The following GRK5 variants were observed in gnomAD, a reference collection of about 807,000 sequenced individuals.
The protein encoded by GRK5 is g protein-coupled receptor kinase GRK5.
A neutral mutation model predicts 78.4 loss-of-function variants in GRK5; 40 were observed. The ratio of observed to expected loss-of-function variants is 0.51; its 90% CI spans 0.40 to 0.66. The LOEUF is 0.66. Ranked by LOEUF, GRK5 falls within the 30% of genes least tolerant of loss-of-function variation. The pLI, the probability that GRK5 is intolerant of heterozygous loss-of-function variation, is 0.00. For missense variants in GRK5, 598 were observed against 759.9 expected (o/e 0.79, Z 2.50); for synonymous variants, 289 against 296.8 (o/e 0.97, Z 0.27).
intron 4 of GRK5, among the ~76,000 whole-genome samples, chr10:119,417,803 A>G (rs544174228): frequency 9.2e-5 from 14 of 152,266 alleles, no homozygotes; most frequent in African/African-American, 2.4e-4. Flanking sequence ...CCCTAGGCGT[A>G]CTTCATCCGT....
At chr10:119,449,143 T>C (rs1171636075) in intron 13 of GRK5, among the ~76,000 whole-genome samples, 3 of 152,126 alleles carry the variant, frequency 2.0e-5, no homozygotes, top group African/African-American at 7.2e-5. Context: ...GCACCTCTCT[T>C]CCCAATTCCG....
rs750096201 is a variant in GRK5 at position 119,238,031 on chromosome 10, C to T, written c.52+30062C>T. Among the ~76,000 whole-genome samples, 7 of 152,198 alleles carry T rather than the reference C, an allele frequency of 4.6e-5. No homozygotes were observed. In the South Asian group the frequency reaches 1.2e-3, roughly 27 times the overall value. On this transcript the variant is annotated intron_variant, in intron 1 of 15. Transcript: ENST00000392870. This position sits in a 1 kb window ranked among gnomAD's most constrained non-coding sequence, Gnocchi z 4.7. ...CTTGCATTTCCTGTCTTTAAACTTA[C>T]GAACTAAAGGGCTTGAGGGTGAGGG...
At chr10:119,429,301 C>A (rs892721984) in intron 6 of GRK5, among the ~76,000 whole-genome samples, 1 of 152,020 alleles carries the variant, frequency 6.6e-6, no homozygotes, top group Non-Finnish European at 1.5e-5. Context: ...CTCATTCGTT[C>A]AAGAGCTGCT....
intron 8 of GRK5, among the ~76,000 whole-genome samples, chr10:119,436,145 C>A (rs1852914250): frequency 2.6e-5 from 4 of 152,218 alleles, no homozygotes; most frequent in Admixed American, 2.6e-4. Flanking sequence ...GACACAGAGC[C>A]AAACCATATC....
intron 15 of GRK5, among the ~76,000 whole-genome samples, chr10:119,454,161 A>G (rs1853353973): frequency 1.3e-5 from 2 of 152,236 alleles, no homozygotes; most frequent in Admixed American, 1.3e-4. Context: ...GCTTCCATCA[A>G]GTAAAACGGA....
At chr10:119,248,469 T>C (rs1849149270) in intron 1 of GRK5, among the ~76,000 whole-genome samples, 1 of 152,176 alleles carries the variant, frequency 6.6e-6, no homozygotes. Flanking sequence ...ATGAATTCTG[T>C]TCCTAATTTA....
At chr10:119,214,817 G>A (rs767664970) in intron 1 of GRK5, among the ~76,000 whole-genome samples, 6 of 152,122 alleles carry the variant, frequency 3.9e-5, no homozygotes, top group African/African-American at 1.2e-4. Context: ...CACCACGCCC[G>A]GCCAACACTG....
chr10:119,374,854 A>T (rs963768306), intron 2 of GRK5, among the ~76,000 whole-genome samples: 1 of 152,022 alleles, frequency 6.6e-6, no homozygotes, highest in Non-Finnish European at 1.5e-5. Flanking sequence ...TGGCCATGTG[A>T]CATGCCTGCT....
Position 119,275,925 on chromosome 10 carries a change from C to G in GRK5, c.53-50591C>G, listed in dbSNP as rs150823741. Among the ~76,000 whole-genome samples the G allele has an allele frequency of 1.2e-3, 187 of 152,272 alleles. 2 individuals are homozygous for G. Among genetic ancestry groups the G allele is most frequent in the African/African-American group, 4.1e-3 (172 of 41,536 alleles). On this transcript the variant is annotated intron_variant, in intron 1 of 15. Transcript: ENST00000392870. ...CGCTAAGCAATACTGCAAACACAGA[C>G]AGTGACCCGATTTTCCATAGCTGTG...
intron 1 of GRK5, among the ~76,000 whole-genome samples, chr10:119,276,728 C>G (rs145137097): frequency 2.5e-3 from 388 of 152,278 alleles, no homozygotes; most frequent in Admixed American, 4.6e-3. Flanking sequence ...CTTGAAGCTG[C>G]CTTTGACATT....
chr10:119,249,593 G>C (rs902515959), intron 1 of GRK5, among the ~76,000 whole-genome samples: 2 of 152,104 alleles, frequency 1.3e-5, no homozygotes, highest in African/African-American at 4.8e-5. Flanking sequence ...CATCTCCCAG[G>C]TTCAAGCAAT....
At chr10:119,257,965 T>C (rs1433672684) in intron 1 of GRK5, among the ~76,000 whole-genome samples, 1 of 152,188 alleles carries the variant, frequency 6.6e-6, no homozygotes, top group Non-Finnish European at 1.5e-5. Flanking sequence ...AAAATGTAAT[T>C]TATATACAGT....
In GRK5 at chr10:119,386,070, A is replaced by C. The variant is rs905938229; in HGVS notation, c.261+5143A>C. Among the ~76,000 whole-genome samples the C allele has an allele frequency of 2.0e-5, 3 of 152,114 alleles. No homozygotes were observed. The East Asian group carries it at 5.8e-4, about 29-fold the overall frequency. ...CAGCTAATTTTTGTATTCTTTGTAG[A>C]GACAGAGTTTTGCCATGTTGCCATG... On this transcript the variant is annotated intron_variant, in intron 3 of 15. Transcript: ENST00000392870.
In GRK5 at chr10:119,326,582, G is replaced by A; in HGVS notation, c.119G>A (p.Ser40Asn). 6.2e-7 allele frequency: 1 copy of A among 1,614,130 alleles called. No individual in the cohort carries two copies. Among genetic ancestry groups the A allele is most frequent in the South Asian group, 1.1e-5 (1 of 91,086 alleles). ...WKEILKFPHI[S>N]QCEDLRRTID... is the part of the protein sequence containing the mutation. ...GAAATCCTGAAGTTCCCTCACATTAGCCAGTGTGAAGACCTCCGAAGGACC... is the reference window on the plus strand; with the variant it reads ...GAAATCCTGAAGTTCCCTCACATTAACCAGTGTGAAGACCTCCGAAGGACC... Residue 40 changes from serine (S) to asparagine (N), a missense_variant, in exon 2 of 16, where the codon AGC (serine) becomes AAC (asparagine). Physicochemically the swap from Ser to Asn is conservative, Grantham distance 46. Transcript: ENST00000392870.
At chr10:119,285,349 T>C (rs1236492440) in intron 1 of GRK5, among the ~76,000 whole-genome samples, 1 of 152,014 alleles carries the variant, frequency 6.6e-6, no homozygotes, top group Non-Finnish European at 1.5e-5. Context: ...GGGTGGGTGG[T>C]AAGAAGAAAC....
chr10:119,291,380 G>C (rs1849951011), intron 1 of GRK5, among the ~76,000 whole-genome samples: 1 of 152,124 alleles, frequency 6.6e-6, no homozygotes, highest in Non-Finnish European at 1.5e-5. Context: ...CTGGGTGCAG[G>C]CTCCCTGTGG....
At chr10:119,380,670 C>A (rs1851696096) in intron 2 of GRK5, 145 bp from the exon 3 acceptor site, 3 of 580,068 alleles carry the variant, frequency 5.2e-6, no homozygotes, top group South Asian at 4.2e-5. Context: ...TCTGTGAAGA[C>A]CATGAAATGA....
chr10:119,222,153 G>T (rs569479711), intron 1 of GRK5, among the ~76,000 whole-genome samples: 110 of 152,298 alleles, frequency 7.2e-4, no homozygotes, highest in African/African-American at 2.4e-3. Context: ...GCTCAGAGAG[G>T]TGAAGTGGTT....
chr10:119,252,981 C>T (rs115675109), intron 1 of GRK5, among the ~76,000 whole-genome samples: 174 of 152,116 alleles, frequency 1.1e-3, no homozygotes, highest in African/African-American at 4.0e-3. Flanking sequence ...AATGATGGAC[C>T]CTGAAGGGTG....
Sources: allele counts gnomAD v4.1 joint callset (sites outside exome capture counted in the v4.1 genomes callset), GRCh38; gene constraint gnomAD v4.1.1; non-coding constraint Gnocchi (gnomAD v3.1); transcripts MANE v1.5; gene names NCBI Gene and HGNC (gene_info 2026-07-23, HGNC 2026-07-21).